The following TFEB variants were observed in gnomAD, a reference collection of about 807,000 sequenced individuals.
TFEB encodes the protein transcription factor EB.
TFEB carries 12 observed loss-of-function variants against 48.0 expected under a neutral mutation model. The observed-to-expected ratio is 0.25, with a 90% CI of 0.16 to 0.40. The LOEUF (loss-of-function observed/expected upper bound fraction) is 0.40, where lower values mean the gene tolerates loss of function less well. Among genes scored for constraint, TFEB ranks in the 10% least tolerant of loss-of-function variants. TFEB has a pLI of 1.00. For synonymous variants in TFEB, 244 were observed against 261.4 expected, an observed-to-expected ratio of 0.93 and a Z score of 0.64; for missense variants, 509 against 640.3, an observed-to-expected ratio of 0.79 and a Z score of 2.21.
At position 41,730,127 on chromosome 6, in the gene TFEB, A is replaced by G. The variant is rs1771390334; in HGVS notation, c.-23+5223T>C. Among the ~76,000 whole-genome samples the G allele has an allele frequency of 6.6e-6, 1 of 151,920 alleles. No individual in the cohort carries two copies. The highest frequency in any genetic ancestry group is 2.4e-5 in the African/African-American group (1 of 41,338). Reference sequence around the variant, plus strand: ...AGGGCATTGGAATCATCCCAGAAAAAAAAAAAATTAAATAAAGATGCCTAG... The same window carrying G: ...AGGGCATTGGAATCATCCCAGAAAAGAAAAAAATTAAATAAAGATGCCTAG... On this transcript the variant is annotated intron_variant, in intron 1 of 8. Coordinates refer to ENST00000373033, the MANE Select transcript of TFEB (RefSeq NM_001271944.2). The surrounding 1 kb of genome is among the most constrained non-coding windows in gnomAD (Gnocchi z 4.1).
chr6:41,713,241 C>T (rs1770564915), intron 1 of TFEB, among the ~76,000 whole-genome samples: 1 of 152,164 alleles, frequency 6.6e-6, no homozygotes, highest in African/African-American at 2.4e-5. Context: ...AGGAGAGGAG[C>T]TGGCTCACTC....
chr6:41,731,004 C>T (rs1771428050), intron 1 of TFEB, among the ~76,000 whole-genome samples: 1 of 152,202 alleles, frequency 6.6e-6, no homozygotes, highest in East Asian at 1.9e-4. Context: ...CATGGAGAGG[C>T]CTGTTTGCAA....
At position 41,691,938 on chromosome 6, in the gene TFEB, C is replaced by T. The variant is rs946690408; in HGVS notation, c.-22-703G>A. ...AAATCCCCGAAACATCCCAGGCATG[C>T]CCCCACCTCAGGACCTTTGCACTTG... On this transcript the variant is annotated intron_variant, in intron 1 of 8. Coordinates refer to ENST00000373033, the MANE Select transcript of TFEB (RefSeq NM_001271944.2). The surrounding 1 kb of genome is among the most constrained non-coding windows in gnomAD (Gnocchi z 5.2). Among the ~76,000 whole-genome samples, 1 of 152,088 alleles carries T rather than the reference C, an allele frequency of 6.6e-6. No individual in the cohort carries two copies. The highest frequency in any genetic ancestry group is 2.4e-5 in the African/African-American group (1 of 41,386).
At chr6:41,694,861 T>C (rs370530745) in intron 1 of TFEB, among the ~76,000 whole-genome samples, 21 of 152,072 alleles carry the variant, frequency 1.4e-4, no homozygotes, top group African/African-American at 4.3e-4. Flanking sequence ...CCTTCTCCCC[T>C]GCCCCTCCCA....
Position 41,684,363 on chromosome 6 carries a change from A to G in TFEB, c.*236T>C. On this transcript the variant is annotated 3_prime_UTR_variant, in exon 9 of 9. Coordinates refer to ENST00000373033, the MANE Select transcript of TFEB (RefSeq NM_001271944.2). ...TGCCCCGCGATTCCATCTCCGGGAG[A>G]GGGGCTGAAGGCCTCTTCCCACTGC... The G allele has an allele frequency of 2.5e-6, 1 of 403,050 alleles. No homozygotes were observed. The highest frequency in any genetic ancestry group is 4.3e-6 in the Non-Finnish European group (1 of 231,806). The allele number at this position is 403,050 out of a possible 1,614,324, so 25.0% of individuals were successfully genotyped here.
intron 1 of TFEB, among the ~76,000 whole-genome samples, chr6:41,696,826 AG>A (rs1769611693): frequency 1.3e-5 from 2 of 152,380 alleles, no homozygotes; most frequent in East Asian, 3.9e-4. Context: ...TGTTAACGAA[AG>A]AACCAAGGCA....
rs947822574 is a variant in TFEB at position 41,724,220 on chromosome 6, A to G, written c.-23+11130T>C. On this transcript the variant is annotated intron_variant, in intron 1 of 8. Coordinates refer to ENST00000373033, the MANE Select transcript of TFEB (RefSeq NM_001271944.2). This position sits in a 1 kb window ranked among gnomAD's most constrained non-coding sequence, Gnocchi z 4.4. ...CAGCACTTTTTTAGCAGCCTGCCAA[A>G]GAGACTGGGCAGAGATTTCACTTAG... Among the ~76,000 whole-genome samples the G allele has an allele frequency of 1.3e-5, 2 of 152,220 alleles. No individual in the cohort carries two copies. Among genetic ancestry groups the G allele is most frequent in the Non-Finnish European group, 2.9e-5 (2 of 68,038 alleles).
rs1333913672 is a variant in TFEB, at chr6:41,723,412, C to T, written c.-23+11938G>A. On this transcript the variant is annotated intron_variant, in intron 1 of 8. Coordinates refer to ENST00000373033, the MANE Select transcript of TFEB (RefSeq NM_001271944.2). The surrounding 1 kb of genome is among the most constrained non-coding windows in gnomAD (Gnocchi z 6.0). ...ACATGGACACACATTCACACACATG[C>T]TCACACACATGCACACACTCACACA... 1 of 1,127,178 alleles carries T rather than the reference C, an allele frequency of 8.9e-7. No homozygotes were observed. Among genetic ancestry groups the T allele is most frequent in the Non-Finnish European group, 1.2e-6 (1 of 843,074 alleles). The allele number at this position is 1,127,178 out of a possible 1,614,324, so 69.8% of individuals were successfully genotyped here.
chr6:41,719,699 C>A (rs1274721322), intron 1 of TFEB, among the ~76,000 whole-genome samples: 5 of 152,198 alleles, frequency 3.3e-5, no homozygotes, highest in African/African-American at 4.8e-5. Flanking sequence ...ATAGCTCTCA[C>A]AACAACCCTT....
chr6:41,685,336 G>A (rs868130158), intron 8 of TFEB, among the ~76,000 whole-genome samples: 4 of 152,206 alleles, frequency 2.6e-5, no homozygotes, highest in South Asian at 4.1e-4. Flanking sequence ...AATTGAAATT[G>A]ACTTGTCTAG....
chr6:41,686,271 T>C (rs1361776803), intron 7 of TFEB, 34 bp from the exon 8 acceptor site: 2 of 1,609,890 alleles, frequency 1.2e-6, no homozygotes, highest in African/African-American at 1.3e-5. Context: ...TAGAGGTGCA[T>C]GCTCAGAAGA....
In TFEB at chr6:41,730,439, G is replaced by A. The variant is rs150536788; in HGVS notation, c.-23+4911C>T. 4.9e-4 allele frequency among the ~76,000 whole-genome samples: 74 copies of A among 152,334 alleles called. No homozygotes were observed. Among genetic ancestry groups the A allele is most frequent in the African/African-American group, 1.7e-3 (71 of 41,576 alleles). The stretch of plus-strand genomic sequence containing the variant: ...TGCTGAATGCATAAGAGCCAACCAG[G>A]TGGCCTGCATGGCCTGGCAAGCAGG... On this transcript the variant is annotated intron_variant, in intron 1 of 8. Coordinates refer to ENST00000373033, the MANE Select transcript of TFEB (RefSeq NM_001271944.2). The surrounding 1 kb of genome is among the most constrained non-coding windows in gnomAD (Gnocchi z 4.1).
At chr6:41,711,215 AC>A (rs1770461010) in intron 1 of TFEB, among the ~76,000 whole-genome samples, 1 of 152,214 alleles carries the variant, frequency 6.6e-6, no homozygotes, top group East Asian at 1.9e-4. Context: ...TACTCATTTT[AC>A]AAATGAGAAA....
rs1400378753 is a variant in TFEB, at chr6:41,687,982, T to G, written c.596A>C (p.Gln199Pro). 1 of 1,613,798 alleles carries G rather than the reference T, an allele frequency of 6.2e-7. No homozygotes were observed. Among genetic ancestry groups the G allele is most frequent in the Non-Finnish European group, 8.5e-7 (1 of 1,179,912 alleles). The change falls in exon 5 of 9, where the codon CAG (glutamine) becomes CCG (proline). Residue 199 changes from glutamine (Q) to proline (P), a missense_variant. This residue lies in a region of TFEB where 251 missense variants were observed against 317.2 expected (regional missense o/e 0.79). Coordinates refer to ENST00000373033, the MANE Select transcript of TFEB (RefSeq NM_001271944.2). ...SHLNVYSSDPQVTASLVGVTS... is the reference protein window; with the variant it reads ...SHLNVYSSDPPVTASLVGVTS... ...GACGCCCACCAGGGAGGCTGTGACC[T>G]GGGGGTCGCTGCTGTACACATTCAG...
intron 1 of TFEB, among the ~76,000 whole-genome samples, chr6:41,710,993 C>T (rs766589084): frequency 1.3e-5 from 2 of 152,208 alleles, no homozygotes; most frequent in Non-Finnish European, 2.9e-5. Flanking sequence ...ATGGTTTTTA[C>T]AATCCAGCTT....
Position 41,734,312 on chromosome 6 carries a change from C to A in TFEB, c.-23+1038G>T. The A allele has an allele frequency of 3.1e-6, 3 of 983,556 alleles. No homozygotes were observed. The highest frequency in any genetic ancestry group is 3.6e-6 in the Non-Finnish European group (3 of 828,474). 60.9% of individuals were successfully genotyped at this position (983,556 alleles called of 1,614,324 possible). On this transcript the variant is annotated intron_variant, in intron 1 of 8. Transcript: ENST00000373033. The surrounding 1 kb of genome is among the most constrained non-coding windows in gnomAD (Gnocchi z 4.0). ...CGCCCCGGGCTCCCTCCCTTCCTCA[C>A]CCGGGGCGCGGGGCTGGGGCGCGCC...
intron 1 of TFEB, among the ~76,000 whole-genome samples, chr6:41,705,385 G>C (rs961947847): frequency 6.6e-6 from 1 of 152,160 alleles, no homozygotes; most frequent in African/African-American, 2.4e-5. Flanking sequence ...CTCTCCCCCA[G>C]TATACCACCA....
chr6:41,726,906 C>T lies in TFEB; in HGVS notation c.-23+8444G>A, dbSNP rs185310686. Among the ~76,000 whole-genome samples, 13 of 152,266 alleles carry T rather than the reference C, an allele frequency of 8.5e-5. No individual in the cohort carries two copies. The East Asian group carries it at 2.1e-3, about 25-fold the overall frequency. ...GTTTCGCAAAACACTATAATTAGAT[C>T]CAAAGAAGTGGATGACAACCTATAG... On this transcript the variant is annotated intron_variant, in intron 1 of 8. Transcript: ENST00000373033.
chr6:41,701,539 C>T (rs903035613), intron 1 of TFEB, among the ~76,000 whole-genome samples: 8 of 152,224 alleles, frequency 5.3e-5, no homozygotes, highest in African/African-American at 1.7e-4. Context: ...GCAAACGCTC[C>T]GAGTCCCTCC....
Sources: gnomAD v4.1 joint callset for allele counts (sites outside exome capture counted in the v4.1 genomes callset) on GRCh38, gnomAD v4.1.1 for gene constraint, gnomAD v4.1.1 regional missense constraint, Gnocchi (gnomAD v3.1) non-coding constraint, MANE v1.5 for transcripts, NCBI Gene and HGNC (gene_info 2026-07-23, HGNC 2026-07-21) for gene names.